The following DRC1 variants were observed in gnomAD, a reference collection of about 807,000 sequenced individuals.
DRC1 encodes the protein dynein regulatory complex protein 1.
In DRC1, 74 loss-of-function variants were observed where a neutral mutation model predicts 98.7. That is an observed-to-expected ratio of 0.75 (90% confidence interval 0.62 to 0.91). The LOEUF is 0.91. Ranked by LOEUF, DRC1 falls within the 40% of genes least tolerant of loss-of-function variation. The probability of loss-of-function intolerance (pLI) is 0.00; values close to 1 mark genes in which losing one functional copy is unlikely to be tolerated. For synonymous variants in DRC1, 336 were observed against 334.1 expected (o/e 1.01, Z -0.06); for missense variants, 875 against 886.0 (o/e 0.99, Z 0.16).
rs552491286 is a variant in DRC1 at position 26,436,930 on chromosome 2, G to A, written c.889-3448G>A. On this transcript the variant is annotated intron_variant, in intron 7 of 16. Coordinates refer to ENST00000288710, the MANE Select transcript of DRC1 (RefSeq NM_145038.5). ...GTCATCCCAAATGGAGAGCAGTTCC[G>A]AAGACCCTCCTTCTCTGTGAGTGCT... Among the ~76,000 whole-genome samples the A allele has an allele frequency of 2.6e-5, 4 of 152,216 alleles. No individual in the cohort carries two copies. The East Asian group carries it at 5.8e-4, about 22-fold the overall frequency.
In DRC1 at chr2:26,445,843, A is replaced by G. The variant is rs537859465; in HGVS notation, c.1396+895A>G. 1.6e-4 allele frequency among the ~76,000 whole-genome samples: 24 copies of G among 152,110 alleles called. 1 individual carries two copies. In the South Asian group the frequency reaches 5.0e-3, roughly 32 times the overall value. On this transcript the variant is annotated intron_variant, in intron 10 of 16. Transcript: ENST00000288710. Reference sequence around the variant, plus strand: ...CTGGCTAATTTTGTTTATTTTTAGTAGAGACAGGGTTTCACCATATTGGCC... The same window carrying G: ...CTGGCTAATTTTGTTTATTTTTAGTGGAGACAGGGTTTCACCATATTGGCC...
intron 1 of DRC1, among the ~76,000 whole-genome samples, chr2:26,407,366 G>T (rs1472100074): frequency 3.5e-4 from 53 of 152,248 alleles, no homozygotes; most frequent in Non-Finnish European, 6.3e-4. Context: ...AGAAAGCTGA[G>T]AACCCCCTTG....
At chr2:26,423,757 G>A (rs1663210744) in intron 3 of DRC1, among the ~76,000 whole-genome samples, 1 of 152,214 alleles carries the variant, frequency 6.6e-6, no homozygotes, top group African/African-American at 2.4e-5. Flanking sequence ...GCTGTGTGCA[G>A]CATCTTATTT....
chr2:26,438,087 CAAA>C (rs61571007), intron 7 of DRC1, among the ~76,000 whole-genome samples: 4,714 of 49,730 alleles, frequency 0.095, 61 homozygotes, highest in African/African-American at 0.15. Context: ...GACTCTATCT[CAAA>C]AAAAAAAAAA....
chr2:26,408,552 A>C (rs934570217), intron 1 of DRC1, among the ~76,000 whole-genome samples: 3 of 152,144 alleles, frequency 2.0e-5, no homozygotes, highest in South Asian at 2.1e-4. Flanking sequence ...AGGGGTGGAT[A>C]ACCTGAGGTC....
intron 11 of DRC1, among the ~76,000 whole-genome samples, chr2:26,449,592 C>A (rs941026715): frequency 9.9e-5 from 15 of 152,240 alleles, no homozygotes; most frequent in Non-Finnish European, 1.9e-4. Context: ...GCTTTCCATG[C>A]CTCCCTGTCC....
intron 8 of DRC1, among the ~76,000 whole-genome samples, 176 bp downstream of exon 8, chr2:26,440,693 G>A (rs1020819875): frequency 5.9e-5 from 9 of 152,128 alleles, no homozygotes; most frequent in African/African-American, 2.2e-4. Context: ...AGAGTACATA[G>A]CAAAAGATCT....
At position 26,431,947 on chromosome 2, in the gene DRC1, A is replaced by C. The variant is rs774826602; in HGVS notation, c.829A>C (p.Arg277=). The change falls in exon 7 of 17, where the codon AGG becomes CGG. Residue 277 remains arginine (R), a synonymous_variant. Transcript: ENST00000288710. ...EDYEKQLNRQ[R]IWDCEEYNMI... Reference sequence around the variant, plus strand: ...CTATGAGAAGCAGCTGAACAGGCAGAGGATCTGGGATTGCGAAGAATACAA... The same window carrying C: ...CTATGAGAAGCAGCTGAACAGGCAGCGGATCTGGGATTGCGAAGAATACAA... The C allele has an allele frequency of 2.5e-6, 4 of 1,614,222 alleles. No individual in the cohort carries two copies. The highest frequency in any genetic ancestry group is 3.4e-6 in the Non-Finnish European group (4 of 1,180,028).
At chr2:26,405,087 G>T (rs746624087) in intron 1 of DRC1, among the ~76,000 whole-genome samples, 11 of 152,170 alleles carry the variant, frequency 7.2e-5, no homozygotes, top group Non-Finnish European at 1.3e-4. Flanking sequence ...TGCCTCTTCA[G>T]TCAATAGATT....
intron 7 of DRC1, among the ~76,000 whole-genome samples, chr2:26,433,094 T>C (rs1558445958): frequency 6.6e-6 from 1 of 152,220 alleles, no homozygotes; most frequent in Non-Finnish European, 1.5e-5. Flanking sequence ...GCTGAATGAC[T>C]GTGTCTGTCT....
intron 4 of DRC1, among the ~76,000 whole-genome samples, chr2:26,425,424 T>C (rs1263588134): frequency 6.6e-6 from 1 of 152,232 alleles, no homozygotes; most frequent in South Asian, 2.1e-4. Flanking sequence ...CTTTGAATTA[T>C]TTGGATGTAT....
At chr2:26,444,038 G>A (rs981428620) in intron 8 of DRC1, among the ~76,000 whole-genome samples, 184 bp from the exon 9 acceptor site, 3 of 152,182 alleles carry the variant, frequency 2.0e-5, no homozygotes, top group Non-Finnish European at 2.9e-5. Context: ...ACTGTCCCAA[G>A]ATCTCCTGTT....
At chr2:26,405,126 G>A (rs527612399) in intron 1 of DRC1, among the ~76,000 whole-genome samples, 1 of 152,276 alleles carries the variant, frequency 6.6e-6, no homozygotes, top group South Asian at 2.1e-4. Context: ...TTAGGTTCAG[G>A]AATTGGGCAA....
chr2:26,439,934 T>TATATATATATATATATATATATATATAC (rs1017038187), intron 7 of DRC1, among the ~76,000 whole-genome samples: 37 of 111,668 alleles, frequency 3.3e-4, no homozygotes, highest in African/African-American at 1.5e-3. Context: ...TATATATATA[T>TATATATATATATATATATATATATATAC]ATACACACAC....
Position 26,412,771 on chromosome 2 carries a change from G to GT in DRC1, c.156-1567dup, listed in dbSNP as rs1269297703. ...AAATGTCCTGTGCACATATAAGCCT[G>GT]TTTTTTGTTTTTGTTTTTGTTTTTC... On this transcript the variant is annotated intron_variant, in intron 1 of 16. Coordinates refer to ENST00000288710, the MANE Select transcript of DRC1 (RefSeq NM_145038.5). Among the ~76,000 whole-genome samples the GT allele has an allele frequency of 3.3e-5, 5 of 152,190 alleles. No individual in the cohort carries two copies. In the East Asian group the frequency reaches 9.7e-4, roughly 29 times the overall value.
chr2:26,437,686 GA>G (rs1288420106), intron 7 of DRC1, among the ~76,000 whole-genome samples: 75 of 151,910 alleles, frequency 4.9e-4, no homozygotes, highest in Admixed American at 4.0e-3. Context: ...TTATAGAAGA[GA>G]AAATTATTAA....
At chr2:26,443,898 G>A (rs1663783558) in intron 8 of DRC1, among the ~76,000 whole-genome samples, 1 of 152,090 alleles carries the variant, frequency 6.6e-6, no homozygotes, top group Admixed American at 6.6e-5. Context: ...TGTGAGGCTG[G>A]CCCTAGGTAT....
In DRC1 at chr2:26,414,408, A is replaced by G. The variant is rs776739782; in HGVS notation, c.220A>G (p.Lys74Glu). ...TGAGGAGGATCAAAGCAAGAGCTAC[A>G]AACAGAAAGAAGAAAGCCGATTGGT... ...ESEEDQSKSYKQKEESRLKLA... is the reference protein window; with the variant it reads ...ESEEDQSKSYEQKEESRLKLA... Residue 74 changes from lysine to glutamate, a missense_variant, in exon 2 of 17, where the codon AAA becomes GAA. Transcript: ENST00000288710. 15 of 1,613,876 alleles carry G rather than the reference A, an allele frequency of 9.3e-6. No individual in the cohort carries two copies. The highest frequency in any genetic ancestry group is 3.3e-5 in the Admixed American group (2 of 59,980).
At chr2:26,450,723 C>T (rs1663982990) in intron 13 of DRC1, 42 bp downstream of exon 13, 4 of 1,442,546 alleles carry the variant, frequency 2.8e-6, no homozygotes, top group Non-Finnish European at 3.7e-6. Context: ...TTCTTTCTTT[C>T]TTATTTATTT....
Sources: allele counts gnomAD v4.1 joint callset (sites outside exome capture counted in the v4.1 genomes callset), GRCh38; gene constraint gnomAD v4.1.1; transcripts MANE v1.5; gene names NCBI Gene and HGNC (gene_info 2026-07-23, HGNC 2026-07-21).